PCDHGA12: variants seen among roughly 807,000 people sequenced by gnomAD.
PCDHGA12 encodes the protein protocadherin gamma-A12.
Under a neutral mutation model 61.1 loss-of-function variants are expected in PCDHGA12, and 43 were observed. That is an observed-to-expected ratio of 0.70 (90% CI 0.55 to 0.91). The LOEUF (loss-of-function observed/expected upper bound fraction) is 0.91. Among genes scored for constraint, PCDHGA12 ranks in the 40% least tolerant of loss-of-function variants. The pLI is 0.00. For missense variants in PCDHGA12, 1,236 were observed against 1,227.7 expected, an observed-to-expected ratio of 1.01 and a Z score of -0.10; for synonymous variants, 520 against 542.9, an observed-to-expected ratio of 0.96 and a Z score of 0.59.
Position 141,505,475 on chromosome 5 carries a change from G to A in PCDHGA12, c.2566G>A (p.Ala856Thr), listed in dbSNP as rs769108315. The A allele has an allele frequency of 2.2e-5, 35 of 1,614,098 alleles. No homozygotes were observed. Among genetic ancestry groups the A allele is most frequent in the South Asian group, 5.5e-5 (5 of 91,090 alleles). ...GCTGCAAGCCATGATCTTGGCGTCC[G>A]CCAGTGGTAAGTGGTGTCAGTGTGT... ...EMLQAMILAS[A>T]SEAADGSSTL... The change falls in exon 3 of 4, where the codon GCC becomes ACC. Residue 856 changes from alanine to threonine, a missense_variant. Physicochemically the swap from Ala to Thr is moderately conservative, Grantham distance 58. Transcript: ENST00000252085.
At chr5:141,449,080 A>G (rs2098627421) in intron 1 of PCDHGA12, among the ~76,000 whole-genome samples, 1 of 152,198 alleles carries the variant, frequency 6.6e-6, no homozygotes, top group Non-Finnish European at 1.5e-5. Context: ...CCCTGTACCT[A>G]CATCAGTTTT....
Position 141,489,595 on chromosome 5 carries a change from G to A in PCDHGA12, c.2425-5212G>A. The A allele has an allele frequency of 1.2e-6, 2 of 1,614,132 alleles. No individual in the cohort carries two copies. Among genetic ancestry groups the A allele is most frequent in the Non-Finnish European group, 1.7e-6 (2 of 1,180,004 alleles). On this transcript the variant is annotated intron_variant, in intron 1 of 3. Coordinates refer to ENST00000252085, the MANE Select transcript of PCDHGA12 (RefSeq NM_003735.3). The surrounding 1 kb of genome is among the most constrained non-coding windows in gnomAD (Gnocchi z 4.5). Reference sequence around the variant, plus strand: ...TGAACACCCCCTGGAGCTAATCCGTGTAGAGGTAGAGATCCTGGATCTCAA... The same window carrying A: ...TGAACACCCCCTGGAGCTAATCCGTATAGAGGTAGAGATCCTGGATCTCAA...
chr5:141,497,084 G>A (rs1417389801), intron 2 of PCDHGA12, among the ~76,000 whole-genome samples: 1 of 152,098 alleles, frequency 6.6e-6, no homozygotes, highest in East Asian at 1.9e-4. Context: ...AGCGACTTAG[G>A]AGGCTGAGGC....
At position 141,477,843 on chromosome 5, in the gene PCDHGA12, C is replaced by T; in HGVS notation, c.2425-16964C>T. The T allele has an allele frequency of 6.2e-7, 1 of 1,613,408 alleles. No homozygotes were observed. Among genetic ancestry groups the T allele is most frequent in the Non-Finnish European group, 8.5e-7 (1 of 1,179,796 alleles). On this transcript the variant is annotated intron_variant, in intron 1 of 3. Coordinates refer to ENST00000252085, the MANE Select transcript of PCDHGA12 (RefSeq NM_003735.3). The surrounding 1 kb of genome is among the most constrained non-coding windows in gnomAD (Gnocchi z 4.9). Reference sequence around the variant, plus strand: ...CTATATCCTCGGCCAGGTGGGAGCTCGGTGGAGATGCTGCCTCGAGGTACC... The same window carrying T: ...CTATATCCTCGGCCAGGTGGGAGCTTGGTGGAGATGCTGCCTCGAGGTACC...
chr5:141,465,343 T>A (rs1221229916), intron 1 of PCDHGA12, among the ~76,000 whole-genome samples: 1 of 152,118 alleles, frequency 6.6e-6, no homozygotes, highest in Non-Finnish European at 1.5e-5. Flanking sequence ...TATTGGTTAC[T>A]GAAGAAAAAA....
At position 141,489,369 on chromosome 5, in the gene PCDHGA12, G is replaced by T; in HGVS notation, c.2425-5438G>T. ...TGGTGGAGGAGTCTGAGCCGGGGAC[G>T]CTGGTGGGGAATGTTGCTCAGGATC... On this transcript the variant is annotated intron_variant, in intron 1 of 3. Coordinates refer to ENST00000252085, the MANE Select transcript of PCDHGA12 (RefSeq NM_003735.3). This position sits in a 1 kb window ranked among gnomAD's most constrained non-coding sequence, Gnocchi z 4.5. 6.2e-7 allele frequency: 1 copy of T among 1,613,592 alleles called. No homozygotes were observed.
chr5:141,495,892 TTGTCTC>T (rs1035324353), intron 2 of PCDHGA12, among the ~76,000 whole-genome samples: 1 of 152,198 alleles, frequency 6.6e-6, no homozygotes, highest in Admixed American at 6.5e-5. Flanking sequence ...TTGTCTCTCT[TTGTCTC>T]TGTCTCTGTA....
At chr5:141,466,549 T>C (rs778708029) in intron 1 of PCDHGA12, among the ~76,000 whole-genome samples, 2 of 152,244 alleles carry the variant, frequency 1.3e-5, no homozygotes, top group African/African-American at 2.4e-5. Flanking sequence ...GGTCTTTTGC[T>C]GTGGGCTTCA....
At chr5:141,480,982 C>T (rs1258067957) in intron 1 of PCDHGA12, among the ~76,000 whole-genome samples, 1 of 152,150 alleles carries the variant, frequency 6.6e-6, no homozygotes, top group African/African-American at 2.4e-5. Context: ...TCAGTGAACC[C>T]AGGATGTGGA....
intron 1 of PCDHGA12, among the ~76,000 whole-genome samples, chr5:141,445,929 A>G (rs1388363296): frequency 6.6e-6 from 1 of 152,208 alleles, no homozygotes; most frequent in Non-Finnish European, 1.5e-5. Context: ...AAGATATTTG[A>G]ATTATTAAGC....
intron 2 of PCDHGA12, among the ~76,000 whole-genome samples, chr5:141,500,311 C>T (rs2099799036): frequency 2.0e-5 from 3 of 152,072 alleles, no homozygotes; most frequent in African/African-American, 7.2e-5. Context: ...CAGGTTCACG[C>T]CATGCTCCTG....
At chr5:141,507,450 CAGAG>C (rs940460926) in intron 3 of PCDHGA12, among the ~76,000 whole-genome samples, 1 of 152,170 alleles carries the variant, frequency 6.6e-6, no homozygotes, top group African/African-American at 2.4e-5. Flanking sequence ...GACGGAAGGA[CAGAG>C]AGAGAGGTGG....
intron 1 of PCDHGA12, among the ~76,000 whole-genome samples, chr5:141,436,531 G>A (rs1365651055): frequency 2.6e-5 from 4 of 152,152 alleles, no homozygotes; most frequent in South Asian, 2.1e-4. Flanking sequence ...CCTTTAGCAA[G>A]TTATTTAATC....
chr5:141,459,545 T>G (rs534173050), intron 1 of PCDHGA12, among the ~76,000 whole-genome samples: 81 of 152,348 alleles, frequency 5.3e-4, no homozygotes, highest in South Asian at 1.0e-3. Context: ...TTTTTTTATT[T>G]CTCTTGGATA....
intron 1 of PCDHGA12, among the ~76,000 whole-genome samples, chr5:141,436,538 A>G (rs1353206648): frequency 6.6e-6 from 1 of 152,194 alleles, no homozygotes; most frequent in Admixed American, 6.5e-5. Context: ...CAAGTTATTT[A>G]ATCTCTTTGA....
chr5:141,468,463 T>G (rs574151637), intron 1 of PCDHGA12: 6 of 152,282 alleles, frequency 3.9e-5, no homozygotes, highest in African/African-American at 1.4e-4. Flanking sequence ...AGCAAGTTAT[T>G]TCTGAGGAGA....
intron 1 of PCDHGA12, among the ~76,000 whole-genome samples, chr5:141,454,658 G>T (rs961640658): frequency 1.3e-5 from 2 of 151,812 alleles, no homozygotes; most frequent in Non-Finnish European, 2.9e-5. Flanking sequence ...TGCCCACCTC[G>T]GCCTCCCAAA....
intron 1 of PCDHGA12, chr5:141,492,033 C>A: frequency 1.8e-6 from 1 of 548,342 alleles, no homozygotes; most frequent in Non-Finnish European, 3.1e-6. Flanking sequence ...CGGGAGGAGG[C>A]AGTCACAGAT....
At chr5:141,456,819 C>A (rs1453433865) in intron 1 of PCDHGA12, among the ~76,000 whole-genome samples, 1 of 151,982 alleles carries the variant, frequency 6.6e-6, no homozygotes, top group Non-Finnish European at 1.5e-5. Flanking sequence ...AAAAAATTAG[C>A]CATCGTGGTA....
Sources: gnomAD v4.1 joint callset for allele counts (sites outside exome capture counted in the v4.1 genomes callset) on GRCh38, gnomAD v4.1.1 for gene constraint, Gnocchi (gnomAD v3.1) non-coding constraint, MANE v1.5 for transcripts, NCBI Gene and HGNC (gene_info 2026-07-23, HGNC 2026-07-21) for gene names.